The following ANK3 variants were observed in gnomAD, a reference collection of about 807,000 sequenced individuals.
ANK3 encodes ankyrin 3, also known as ankyrin-3.
In ANK3, 57 loss-of-function variants were observed where a neutral mutation model predicts 370.9. The observed-to-expected ratio is 0.15, with a 90% CI of 0.12 to 0.19. The LOEUF is 0.19. ANK3 is among the 10% of genes least tolerant of loss of function. ANK3 has a pLI of 1.00. For synonymous variants in ANK3, 1,929 were observed against 1,946.3 expected (o/e 0.99, Z 0.23); for missense variants, 4,439 against 5,302.1 (o/e 0.84, Z 5.06).
intron 42 of ANK3, among the ~76,000 whole-genome samples, chr10:60,050,033 T>C (rs1459407753): frequency 6.6e-6 from 1 of 152,196 alleles, no homozygotes; most frequent in Non-Finnish European, 1.5e-5. Context: ...CGAAGCACTA[T>C]GTGCTTTTTC....
rs1165330146 is a variant in ANK3 at position 60,406,704 on chromosome 10, A to G, written c.97-127065T>C. Among the ~76,000 whole-genome samples, 7 of 152,356 alleles carry G rather than the reference A, an allele frequency of 4.6e-5. No homozygotes were observed. In the East Asian group the frequency reaches 7.7e-4, roughly 17 times the overall value. ...TAGGTTTTCTCATTAAAGATTATCA[A>G]TAAAAGGACTGACTTAGAGTCAAAT... On this transcript the variant is annotated intron_variant, in intron 2 of 43. Transcript: ENST00000373827.
intron 2 of ANK3, among the ~76,000 whole-genome samples, chr10:60,398,659 C>G (rs1467109299): frequency 2.6e-5 from 4 of 152,146 alleles, no homozygotes; most frequent in African/African-American, 9.7e-5. Flanking sequence ...ACTCATTTAA[C>G]AAATATTTAT....
chr10:60,411,071 G>T (rs145824800), intron 2 of ANK3, among the ~76,000 whole-genome samples: 5 of 152,264 alleles, frequency 3.3e-5, no homozygotes, highest in Admixed American at 2.6e-4. Context: ...GGAACTGGTG[G>T]ATAATGGAGC....
At position 60,029,679 on chromosome 10, in the gene ANK3, GTTTTC is replaced by G. The variant is rs562345261; in HGVS notation, c.*162_*166del. 150 of 151,796 alleles carry G rather than the reference GTTTTC, an allele frequency of 9.9e-4. No homozygotes were observed. Among genetic ancestry groups the G allele is most frequent in the Middle Eastern group, 3.4e-3 (1 of 294 alleles). 9.4% of individuals were successfully genotyped at this position (151,796 alleles called of 1,614,324 possible). ...CTCATGCTAAATTAAAATGTGGGTGGTTTTCTTTTCTTTTCTTTTTGCATAAAAAA... is the reference window on the plus strand; with the variant it reads ...CTCATGCTAAATTAAAATGTGGGTGGTTTTCTTTTCTTTTTGCATAAAAAA... On this transcript the variant is annotated 3_prime_UTR_variant, in exon 44 of 44. Transcript: ENST00000280772.
chr10:60,072,432 A>T lies in ANK3; in HGVS notation c.8449T>A (p.Ser2817Thr), dbSNP rs2082905740. ...AAAGAGTCAGGCATTGCTTTACTTGACATTTCAGTTCTCTGTTTTTTCACA... is the reference window on the plus strand; with the variant it reads ...AAAGAGTCAGGCATTGCTTTACTTGTCATTTCAGTTCTCTGTTTTTTCACA... ...DNVKKQRTEM[S>T]SKAMPDSFSE... The change falls in exon 37 of 44, where the codon TCA becomes ACA. Residue 2817 changes from serine (S) to threonine (T), a missense_variant. Coordinates refer to ENST00000280772, the MANE Select transcript of ANK3 (RefSeq NM_020987.5). The T allele has an allele frequency of 3.1e-6, 5 of 1,614,060 alleles. No individual in the cohort carries two copies. In the East Asian group the frequency reaches 1.1e-4, roughly 36 times the overall value.
chr10:60,251,583 T>C (rs1471527024), intron 7 of ANK3, among the ~76,000 whole-genome samples: 3 of 152,174 alleles, frequency 2.0e-5, no homozygotes, highest in Non-Finnish European at 4.4e-5. Flanking sequence ...AGGCAGATGA[T>C]GCTCCTTTTC....
intron 1 of ANK3, among the ~76,000 whole-genome samples, chr10:60,698,862 G>A (rs969466441): frequency 5.4e-4 from 80 of 149,242 alleles, no homozygotes; most frequent in South Asian, 1.9e-3. Flanking sequence ...TGTAACTAAC[G>A]TGCACATTGT....
intron 9 of ANK3, among the ~76,000 whole-genome samples, chr10:60,211,892 C>CAAAAAAAAAAAAAAAAA (rs72238553): frequency 5.4e-5 from 5 of 93,388 alleles, no homozygotes; most frequent in African/African-American, 9.6e-5. Context: ...AATACAGAGC[C>CAAAAAAAAAAAAAAAAA]AAAAAAAAAA....
At chr10:60,323,119 G>A (rs1466769265) in intron 1 of ANK3, among the ~76,000 whole-genome samples, 1 of 152,066 alleles carries the variant, frequency 6.6e-6, no homozygotes, top group African/African-American at 2.4e-5. Context: ...AAGTGAGATG[G>A]GTAAGAAACG....
intron 2 of ANK3, among the ~76,000 whole-genome samples, chr10:60,546,314 G>T (rs2076963416): frequency 6.6e-6 from 1 of 152,140 alleles, no homozygotes; most frequent in South Asian, 2.1e-4. Flanking sequence ...GAAATTATAG[G>T]CGTGAGCCAT....
intron 1 of ANK3, among the ~76,000 whole-genome samples, chr10:60,624,084 A>T (rs2078375828): frequency 6.6e-6 from 1 of 152,126 alleles, no homozygotes; most frequent in Non-Finnish European, 1.5e-5. Context: ...CAAGGATGGA[A>T]AAACTACCTT....
chr10:60,183,164 G>C (rs992467100), intron 17 of ANK3, among the ~76,000 whole-genome samples: 5 of 152,216 alleles, frequency 3.3e-5, no homozygotes, highest in Non-Finnish European at 7.4e-5. Context: ...CTCTCTTCTC[G>C]TTTCAATAAA....
intron 1 of ANK3, among the ~76,000 whole-genome samples, chr10:60,385,874 T>C (rs1201173579): frequency 1.3e-5 from 2 of 152,192 alleles, no homozygotes; most frequent in East Asian, 1.9e-4. Context: ...AACCCACTTA[T>C]GGAACAAATT....
rs113415918 is a variant in ANK3 at position 60,195,109 on chromosome 10, C to T, written c.1887+1036G>A. On this transcript the variant is annotated intron_variant, in intron 16 of 43. Coordinates refer to ENST00000280772, the MANE Select transcript of ANK3 (RefSeq NM_020987.5). Reference sequence around the variant, plus strand: ...AAGATGTAAAAAGCATAAGGGAGGCCGGGCGCGGTGTGTCACGCCTGTAAT... The same window carrying T: ...AAGATGTAAAAAGCATAAGGGAGGCTGGGCGCGGTGTGTCACGCCTGTAAT... Among the ~76,000 whole-genome samples the T allele has an allele frequency of 8.8e-3, 1,337 of 152,118 alleles. 18 individuals are homozygous for T. Among genetic ancestry groups the T allele is most frequent in the African/African-American group, 0.03 (1,249 of 41,484 alleles).
chr10:60,318,956 A>G (rs1321902217), intron 1 of ANK3, among the ~76,000 whole-genome samples: 1 of 152,220 alleles, frequency 6.6e-6, no homozygotes, highest in East Asian at 1.9e-4. Flanking sequence ...GATCCTAAGT[A>G]TGAATCCATT....
intron 42 of ANK3, among the ~76,000 whole-genome samples, chr10:60,046,293 AAAGT>A (rs2076948506): frequency 6.6e-6 from 1 of 152,244 alleles, no homozygotes; most frequent in Non-Finnish European, 1.5e-5. Flanking sequence ...AAGCCAATAA[AAAGT>A]AATGAAAGTT....
chr10:60,489,184 T>A (rs2075426587), intron 2 of ANK3, among the ~76,000 whole-genome samples: 1 of 152,192 alleles, frequency 6.6e-6, no homozygotes. Context: ...AAAATATACA[T>A]GTGCAGTTAC....
chr10:60,201,205 C>T (rs2096668374), intron 12 of ANK3, among the ~76,000 whole-genome samples: 1 of 152,134 alleles, frequency 6.6e-6, no homozygotes, highest in Non-Finnish European at 1.5e-5. Context: ...CTCAGTGTTC[C>T]CTTTACGAAT....
Position 60,171,904 on chromosome 10 carries a change from T to C in ANK3, c.2478+404A>G, listed in dbSNP as rs569576639. Among the ~76,000 whole-genome samples, 4 of 152,368 alleles carry C rather than the reference T, an allele frequency of 2.6e-5. No homozygotes were observed. In the South Asian group the frequency reaches 8.3e-4, roughly 32 times the overall value. On this transcript the variant is annotated intron_variant, in intron 21 of 43. Transcript: ENST00000280772. ...TTTTACAGGAATGATAATGTATCCA[T>C]GTACCATTTGTGCATTAAAACATTT... is the stretch of plus-strand genomic sequence containing the variant.
Sources: allele counts gnomAD v4.1 joint callset (sites outside exome capture counted in the v4.1 genomes callset), GRCh38; gene constraint gnomAD v4.1.1; transcripts MANE v1.5; gene names NCBI Gene and HGNC (gene_info 2026-07-23, HGNC 2026-07-21).